Variants in RAPGEF5 observed in about 807,000 individuals in gnomAD.
The protein encoded by RAPGEF5 is M-Ras-regulated GEF.
In RAPGEF5, 65 loss-of-function variants were observed where a neutral mutation model predicts 125.2. That is an observed-to-expected ratio of 0.52 (90% confidence interval 0.43 to 0.64). The LOEUF (loss-of-function observed/expected upper bound fraction) is 0.64, where lower values mean the gene tolerates loss of function less well. Among genes scored for constraint, RAPGEF5 ranks in the 30% least tolerant of loss-of-function variants. RAPGEF5 has a pLI of 0.00. For synonymous variants in RAPGEF5, 391 were observed against 385.9 expected, an observed-to-expected ratio of 1.01 and a Z score of -0.16; for missense variants, 958 against 1,048.1, an observed-to-expected ratio of 0.91 and a Z score of 1.19.
chr7:22,348,222 TC>T (rs35694985), intron 1 of RAPGEF5, among the ~76,000 whole-genome samples: 1 of 152,002 alleles, frequency 6.6e-6, no homozygotes, highest in East Asian at 1.9e-4. Context: ...AGGCCTGGAA[TC>T]CCCCCACCCA....
At chr7:22,167,981 G>A (rs1784224707) in intron 11 of RAPGEF5, among the ~76,000 whole-genome samples, 1 of 152,106 alleles carries the variant, frequency 6.6e-6, no homozygotes, top group Non-Finnish European at 1.5e-5. Flanking sequence ...TGATTATCTA[G>A]TCTCCTTAAC....
In RAPGEF5 at chr7:22,118,708, TA is replaced by T. The variant is rs1782476903; in HGVS notation, c.*3697del. 6.6e-6 allele frequency: 1 copy of T among 152,594 alleles called. No homozygotes were observed. The highest frequency in any genetic ancestry group is 6.5e-5 in the Admixed American group (1 of 15,282). The allele number at this position is 152,594 out of a possible 1,614,324, so 9.5% of individuals were successfully genotyped here. ...ACAGCAGCCCTAATTAATGATACAT[TA>T]AAAGGCAAGATTTCTTGCTTCAGGT... On this transcript the variant is annotated 3_prime_UTR_variant, in exon 26 of 26. Coordinates refer to ENST00000665637, the MANE Select transcript of RAPGEF5 (RefSeq NM_012294.5).
intron 11 of RAPGEF5, among the ~76,000 whole-genome samples, chr7:22,169,820 A>G (rs1213049874): frequency 1.5e-5 from 2 of 130,520 alleles, no homozygotes; most frequent in Non-Finnish European, 3.1e-5. Context: ...AGATCATGTC[A>G]CTGCCCTCTA....
intron 1 of RAPGEF5, among the ~76,000 whole-genome samples, chr7:22,349,432 A>AG (rs996734604): frequency 2.0e-5 from 3 of 151,812 alleles, no homozygotes; most frequent in Non-Finnish European, 1.5e-5. Context: ...CAAAAAAAAA[A>AG]AAAAAAAAAA....
At chr7:22,137,890 A>G (rs1483062450) in intron 21 of RAPGEF5, among the ~76,000 whole-genome samples, 1 of 152,024 alleles carries the variant, frequency 6.6e-6, no homozygotes, top group African/African-American at 2.4e-5. Context: ...CAATGAGGCA[A>G]CTCCTACAAT....
At chr7:22,235,550 G>T (rs1319241646) in intron 7 of RAPGEF5, among the ~76,000 whole-genome samples, 1 of 152,200 alleles carries the variant, frequency 6.6e-6, no homozygotes, top group Non-Finnish European at 1.5e-5. Flanking sequence ...TTTGCAACTA[G>T]TAAAGTATTT....
intron 7 of RAPGEF5, among the ~76,000 whole-genome samples, chr7:22,236,688 C>G (rs1317545878): frequency 6.6e-6 from 1 of 152,168 alleles, no homozygotes; most frequent in Non-Finnish European, 1.5e-5. Flanking sequence ...ACGGCATGGC[C>G]TCTCCCTCCA....
chr7:22,220,509 A>G (rs1785759801), intron 8 of RAPGEF5, among the ~76,000 whole-genome samples: 1 of 152,226 alleles, frequency 6.6e-6, no homozygotes, highest in African/African-American at 2.4e-5. Context: ...ACAATTGGGA[A>G]GTTACCATGG....
chr7:22,323,605 C>G (rs555722859), intron 1 of RAPGEF5, among the ~76,000 whole-genome samples: 1 of 152,206 alleles, frequency 6.6e-6, no homozygotes, highest in South Asian at 2.1e-4. Flanking sequence ...GCTTAATTAG[C>G]GAGCTTACTT....
Position 22,122,536 on chromosome 7 carries a change from G to A in RAPGEF5, c.2537-15C>T, listed in dbSNP as rs746497604. On this transcript the variant is annotated splice_polypyrimidine_tract_variant and intron_variant, in intron 25 of 25. Transcript: ENST00000665637. ...AGACAGGTCACCTGTTGTTTAGAGGGGGAAAAAAGACAATCTCAGGAGAGC... is the reference window on the plus strand; with the variant it reads ...AGACAGGTCACCTGTTGTTTAGAGGAGGAAAAAAGACAATCTCAGGAGAGC... 1.3e-6 allele frequency: 2 copies of A among 1,575,158 alleles called. No individual in the cohort carries two copies. Among genetic ancestry groups the A allele is most frequent in the African/African-American group, 2.7e-5 (2 of 74,130 alleles).
chr7:22,231,763 A>G (rs1011819010), intron 7 of RAPGEF5, among the ~76,000 whole-genome samples: 10 of 152,192 alleles, frequency 6.6e-5, no homozygotes, highest in African/African-American at 2.4e-4. Flanking sequence ...TGTTTTAACA[A>G]ATATTTACGG....
At chr7:22,266,924 G>A (rs368181551) in intron 7 of RAPGEF5, 40 bp downstream of exon 7, 2 of 1,563,950 alleles carry the variant, frequency 1.3e-6, no homozygotes, top group East Asian at 4.5e-5. Context: ...TACCCCCAAA[G>A]AATTAGAATC....
intron 7 of RAPGEF5, among the ~76,000 whole-genome samples, chr7:22,237,344 TTTGTTG>T (rs972519953): frequency 6.6e-6 from 1 of 151,438 alleles, no homozygotes; most frequent in Non-Finnish European, 1.5e-5. Context: ...ATAGATAGTT[TTTGTTG>T]TTGTTGTTGC....
rs761127627 is a variant in RAPGEF5, at chr7:22,219,967, C to T, written c.895G>A (p.Glu299Lys). The change falls in exon 9 of 26, where the codon GAA (glutamate) becomes AAA (lysine). Residue 299 changes from glutamate to lysine, a missense_variant. By Grantham distance (56) the Glu-to-Lys change is moderately conservative (BLOSUM62 1). Coordinates refer to ENST00000665637, the MANE Select transcript of RAPGEF5 (RefSeq NM_012294.5). ...SQAGVMCKLQ[E>K]RDEIGRIELV... ...TCAATTCGTCCGATTTCATCTCTTT[C>T]CTGGAGCTTGCACATCACCCCTGCC... is the stretch of plus-strand genomic sequence containing the variant. The T allele has an allele frequency of 3.1e-6, 5 of 1,613,594 alleles. No individual in the cohort carries two copies. The highest frequency in any genetic ancestry group is 4.2e-6 in the Non-Finnish European group (5 of 1,179,684).
intron 7 of RAPGEF5, among the ~76,000 whole-genome samples, chr7:22,258,624 C>CAAAAAAAAAAAAAAAAAAAA (rs34352575): frequency 2.4e-4 from 11 of 45,808 alleles, no homozygotes; most frequent in Admixed American, 3.1e-4. Flanking sequence ...AACTCCGTCT[C>CAAAAAAAAAAAAAAAAAAAA]AAAAAAAAAA....
chr7:22,246,847 T>C (rs557262743), intron 7 of RAPGEF5, among the ~76,000 whole-genome samples: 1 of 152,174 alleles, frequency 6.6e-6, no homozygotes, highest in South Asian at 2.1e-4. Flanking sequence ...AGGTCTAATA[T>C]CCAGAATCTA....
chr7:22,173,823 AG>A (rs968641216), intron 11 of RAPGEF5, among the ~76,000 whole-genome samples: 2 of 128,350 alleles, frequency 1.6e-5, no homozygotes, highest in African/African-American at 6.1e-5. Context: ...AAGAGCGGTG[AG>A]CGGCCTCATA....
At chr7:22,258,624 C>CAAAAAAAAAAAAAAAAAAAAAAAAA (rs34352575) in intron 7 of RAPGEF5, among the ~76,000 whole-genome samples, 1 of 45,808 alleles carries the variant, frequency 2.2e-5, no homozygotes, top group Non-Finnish European at 3.9e-5. Context: ...AACTCCGTCT[C>CAAAAAAAAAAAAAAAAAAAAAAAAA]AAAAAAAAAA....
chr7:22,259,214 G>A (rs1418579567), intron 7 of RAPGEF5, among the ~76,000 whole-genome samples: 2 of 152,072 alleles, frequency 1.3e-5, no homozygotes, highest in South Asian at 2.1e-4. Context: ...ATACCTCAAC[G>A]AAGAAGACAT....
Sources: gnomAD v4.1 joint callset for allele counts (sites outside exome capture counted in the v4.1 genomes callset) on GRCh38, gnomAD v4.1.1 for gene constraint, MANE v1.5 for transcripts, NCBI Gene and HGNC (gene_info 2026-07-23, HGNC 2026-07-21) for gene names.